PARP14: variants seen among roughly 807,000 people sequenced by gnomAD.
The protein encoded by PARP14 is protein mono-ADP-ribosyltransferase PARP14.
Under a neutral mutation model 154.2 loss-of-function variants are expected in PARP14, and 59 were observed. The observed-to-expected ratio is 0.38, with a 90% CI of 0.31 to 0.48. The LOEUF is 0.48. Among genes scored for constraint, PARP14 ranks in the 20% least tolerant of loss-of-function variants. The probability of loss-of-function intolerance (pLI) is 0.98; values close to 1 mark genes in which losing one functional copy is unlikely to be tolerated. For synonymous variants in PARP14, 720 were observed against 780.5 expected, an observed-to-expected ratio of 0.92 and a Z score of 1.29; for missense variants, 1,734 against 2,131.6, an observed-to-expected ratio of 0.81 and a Z score of 3.67.
intron 15 of PARP14, among the ~76,000 whole-genome samples, chr3:122,727,317 T>C (rs1933312082): frequency 6.6e-6 from 1 of 152,230 alleles, no homozygotes; most frequent in Admixed American, 6.5e-5. Flanking sequence ...TCAAGATTCA[T>C]GCACCGGTCT....
Position 122,729,068 on chromosome 3 carries a change from GA to G in PARP14, c.*472del, listed in dbSNP as rs1933356557. 6.3e-6 allele frequency: 1 copy of G among 159,438 alleles called. No homozygotes were observed. Among genetic ancestry groups the G allele is most frequent in the Non-Finnish European group, 1.4e-5 (1 of 72,158 alleles). 9.9% of individuals were successfully genotyped at this position (159,438 alleles called of 1,614,324 possible). On this transcript the variant is annotated 3_prime_UTR_variant, in exon 17 of 17. Coordinates refer to ENST00000474629, the MANE Select transcript of PARP14 (RefSeq NM_017554.3). ...TTAGTCAATTTTTTTCCCTTGAGAT[GA>G]GGTCTGTGCCTGATGTACAACGGAT...
At chr3:122,726,715 A>G (rs920631500) in intron 15 of PARP14, among the ~76,000 whole-genome samples, 1 of 152,168 alleles carries the variant, frequency 6.6e-6, no homozygotes, top group Non-Finnish European at 1.5e-5. Context: ...TTTAAAAGGT[A>G]AGAAACAACC....
chr3:122,701,027 G>A lies in PARP14; in HGVS notation c.2473G>A (p.Glu825Lys), dbSNP rs1042456567. Residue 825 changes from glutamate to lysine, a missense_variant, in exon 6 of 17, where the codon GAG becomes AAG. By Grantham distance (56) the Glu-to-Lys change is moderately conservative. Around this residue, in one of 2 missense-constraint regions of PARP14, gnomAD observed 1,646 missense variants for 1,976.0 expected, o/e 0.83. Transcript: ENST00000474629. The surrounding 1 kb of genome is among the most constrained non-coding windows in gnomAD (Gnocchi z 4.0). ...PVDVVVNASN[E>K]DLKHYGGLAA... ...CGATGTGGTGGTGAATGCATCTAAT[G>A]AGGACCTTAAGCATTATGGTGGCCT... is the stretch of plus-strand genomic sequence containing the variant. The A allele has an allele frequency of 3.1e-6, 5 of 1,613,930 alleles. No individual in the cohort carries two copies. The highest frequency in any genetic ancestry group is 1.3e-5 in the African/African-American group (1 of 74,940).
intron 6 of PARP14, among the ~76,000 whole-genome samples, chr3:122,703,181 C>G (rs1046810988): frequency 1.3e-5 from 2 of 152,042 alleles, no homozygotes; most frequent in African/African-American, 4.8e-5. Flanking sequence ...TTCTCTTGAC[C>G]TCTCTAATCT....
chr3:122,711,020 A>G (rs58336582), intron 9 of PARP14, among the ~76,000 whole-genome samples: 29,992 of 151,940 alleles, frequency 0.2, 3,063 homozygotes, highest in Middle Eastern at 0.26. Context: ...GTATACAATC[A>G]TATTATCTGC....
rs1242171075 is a variant in PARP14, at chr3:122,695,540, G to C, written c.713G>C (p.Gly238Ala). ...ATCAGGGTTGAAAACCTGCCACCTG[G>C]TGCTGATGACTACAGTTTAAAACTT... ...NTIRVENLPP[G>A]ADDYSLKLFF... The change falls in exon 5 of 17, where the codon GGT becomes GCT. Residue 238 changes from glycine to alanine, a missense_variant. Gly to Ala is a moderately conservative substitution (Grantham distance 60, BLOSUM62 0). This residue lies in a region of PARP14 where 1,646 missense variants were observed against 1,976.0 expected (regional missense o/e 0.83). Coordinates refer to ENST00000474629, the MANE Select transcript of PARP14 (RefSeq NM_017554.3). 3 of 1,608,502 alleles carry C rather than the reference G, an allele frequency of 1.9e-6. No individual in the cohort carries two copies.
chr3:122,686,119 A>G (rs1938365897), intron 2 of PARP14, among the ~76,000 whole-genome samples: 1 of 152,172 alleles, frequency 6.6e-6, no homozygotes, highest in Non-Finnish European at 1.5e-5. Flanking sequence ...GTTATATATA[A>G]TAAACACTCA....
At chr3:122,712,727 A>G (rs930316515) in intron 9 of PARP14, among the ~76,000 whole-genome samples, 10 of 149,672 alleles carry the variant, frequency 6.7e-5, no homozygotes, top group East Asian at 2.0e-4. Flanking sequence ...TAATATTTGT[A>G]TTATTTGTAG....
At chr3:122,713,307 A>G (rs112598730) in intron 9 of PARP14, 117 bp from the exon 10 acceptor site, 7 of 723,014 alleles carry the variant, frequency 9.7e-6, no homozygotes, top group African/African-American at 3.6e-5. Context: ...TAAAGACCAG[A>G]GGTCACAGAA....
intron 15 of PARP14, chr3:122,722,772 C>G (rs1227180583): frequency 6.6e-6 from 1 of 152,124 alleles, no homozygotes; most frequent in African/African-American, 2.4e-5. Context: ...CTTTCTCTCC[C>G]TGTCTGTTTT....
chr3:122,726,538 T>C (rs1399802703), intron 15 of PARP14, among the ~76,000 whole-genome samples: 1 of 152,220 alleles, frequency 6.6e-6, no homozygotes, highest in Non-Finnish European at 1.5e-5. Context: ...GAGGTTGGTC[T>C]GATAAAAGTA....
chr3:122,720,230 G>A (rs1181686372), intron 14 of PARP14, 25 bp from the exon 15 acceptor site: 1 of 1,607,334 alleles, frequency 6.2e-7, no homozygotes, highest in Non-Finnish European at 8.5e-7. Flanking sequence ...ATGTATGAGG[G>A]CATCCTCAAA....
At position 122,728,584 on chromosome 3, in the gene PARP14, C is replaced by T. The variant is rs780103792; in HGVS notation, c.5393C>T (p.Thr1798Met). 6 of 1,608,580 alleles carry T rather than the reference C, an allele frequency of 3.7e-6. No homozygotes were observed. The highest frequency in any genetic ancestry group is 1.7e-5 in the Admixed American group (1 of 59,824). ...CAAGCATACCCAGAGTACCTTATTA[C>T]GTTTAGAAAATAACACTTTGGTATC... ...DYQAYPEYLI[T>M]FRK Residue 1798 changes from threonine (T) to methionine (M), a missense_variant, in exon 17 of 17, where the codon ACG (threonine) becomes ATG (methionine). Thr to Met is a moderately conservative substitution (Grantham distance 81, BLOSUM62 -1). This residue lies in a region of PARP14 where 88 missense variants were observed against 155.6 expected (regional missense o/e 0.57). Transcript: ENST00000474629.
intron 9 of PARP14, among the ~76,000 whole-genome samples, chr3:122,709,174 C>A (rs997602354): frequency 6.6e-6 from 1 of 151,866 alleles, no homozygotes; most frequent in Admixed American, 6.6e-5. Context: ...TATACTGTAC[C>A]CGTTATGTAG....
At position 122,700,035 on chromosome 3, in the gene PARP14, G is replaced by T; in HGVS notation, c.1481G>T (p.Cys494Phe). Residue 494 changes from cysteine to phenylalanine, a missense_variant, in exon 6 of 17, where the codon TGC (cysteine) becomes TTC (phenylalanine). Cys to Phe is a radical substitution (Grantham distance 205). Coordinates refer to ENST00000474629, the MANE Select transcript of PARP14 (RefSeq NM_017554.3). ...SSLLDHLLTE[C>F]PEIEICYDRV... ...CTACTGGACCATTTACTCACGGAGT[G>T]CCCAGAGATAGAGATTTGTTACGAT... 3 of 1,613,932 alleles carry T rather than the reference G, an allele frequency of 1.9e-6. No homozygotes were observed. The highest frequency in any genetic ancestry group is 2.5e-6 in the Non-Finnish European group (3 of 1,179,838).
chr3:122,711,428 G>A (rs1390061410), intron 9 of PARP14, among the ~76,000 whole-genome samples: 1 of 152,132 alleles, frequency 6.6e-6, no homozygotes, highest in African/African-American at 2.4e-5. Flanking sequence ...TGCATCCCTG[G>A]GATAAAGTAC....
In PARP14 at chr3:122,701,934, C is replaced by T. The variant is rs1270936372; in HGVS notation, c.3081+299C>T. ...CACACGTTTAGACAGTTCTCTATAC[C>T]TTACACCTGCCGTGTTTTGGTAAAT... On this transcript the variant is annotated intron_variant, in intron 6 of 16. Coordinates refer to ENST00000474629, the MANE Select transcript of PARP14 (RefSeq NM_017554.3). This position sits in a 1 kb window ranked among gnomAD's most constrained non-coding sequence, Gnocchi z 4.0. Among the ~76,000 whole-genome samples the T allele has an allele frequency of 6.6e-6, 1 of 152,160 alleles. No homozygotes were observed.
At chr3:122,715,536 T>TA (rs1301605855) in intron 12 of PARP14, among the ~76,000 whole-genome samples, 9 of 152,194 alleles carry the variant, frequency 5.9e-5, no homozygotes, top group Admixed American at 2.0e-4. Context: ...TCATTCCCCT[T>TA]AGAGTATCAT....
intron 6 of PARP14, among the ~76,000 whole-genome samples, chr3:122,702,978 C>A (rs1315273578): frequency 1.7e-4 from 21 of 123,202 alleles, no homozygotes; most frequent in South Asian, 5.3e-4. Context: ...GTGGACAGAG[C>A]AAGACCCTCT....
Sources: allele counts gnomAD v4.1 joint callset (sites outside exome capture counted in the v4.1 genomes callset), GRCh38; gene constraint gnomAD v4.1.1; regional missense constraint gnomAD v4.1.1; non-coding constraint Gnocchi (gnomAD v3.1); transcripts MANE v1.5; gene names NCBI Gene and HGNC (gene_info 2026-07-23, HGNC 2026-07-21).